Variants in PIP5K1B observed in about 807,000 individuals in gnomAD.
PIP5K1B encodes phosphatidylinositol 4-phosphate 5-kinase type-1 beta.
Under a neutral mutation model 67.0 loss-of-function variants are expected in PIP5K1B, and 42 were observed. The observed-to-expected ratio is 0.63, with a 90% CI of 0.49 to 0.81. The LOEUF (loss-of-function observed/expected upper bound fraction) is 0.81. Ranked by LOEUF, PIP5K1B falls within the 30% of genes least tolerant of loss-of-function variation. PIP5K1B has a pLI of 0.00. For missense variants in PIP5K1B, 459 were observed against 646.3 expected (o/e 0.71, Z 3.14); for synonymous variants, 214 against 231.4 (o/e 0.92, Z 0.68).
intron 2 of PIP5K1B, among the ~76,000 whole-genome samples, chr9:68,803,002 A>T (rs1832684575): frequency 6.6e-6 from 1 of 152,220 alleles, no homozygotes; most frequent in Non-Finnish European, 1.5e-5. Context: ...CTGTGTTAGA[A>T]ATGATGAGAT....
chr9:68,810,359 A>G (rs1833096202), intron 2 of PIP5K1B, among the ~76,000 whole-genome samples: 1 of 152,244 alleles, frequency 6.6e-6, no homozygotes, highest in South Asian at 2.1e-4. Flanking sequence ...ATAATCGAAG[A>G]GAAGTGGACA....
intron 4 of PIP5K1B, among the ~76,000 whole-genome samples, chr9:68,857,845 T>C: frequency 6.6e-6 from 1 of 152,118 alleles, no homozygotes; most frequent in Non-Finnish European, 1.5e-5. Context: ...CCAGCATATG[T>C]TGTAGAACCG....
intron 14 of PIP5K1B, among the ~76,000 whole-genome samples, chr9:68,965,220 A>ACTGT (rs1828958841): frequency 2.0e-5 from 3 of 152,082 alleles, no homozygotes; most frequent in Admixed American, 2.0e-4. Context: ...AATATATATG[A>ACTGT]CTAGTACAAT....
chr9:68,900,849 T>C (rs1360447045), intron 8 of PIP5K1B, among the ~76,000 whole-genome samples: 11 of 152,214 alleles, frequency 7.2e-5, no homozygotes, highest in Admixed American at 6.5e-4. Context: ...CTTTCTGATG[T>C]GCAAAGAAGG....
intron 2 of PIP5K1B, chr9:68,788,457 G>A (rs1334462783): frequency 6.9e-6 from 3 of 435,282 alleles, no homozygotes; most frequent in Non-Finnish European, 1.3e-5. Flanking sequence ...TCATATTAGA[G>A]GAAGATATCA....
intron 4 of PIP5K1B, among the ~76,000 whole-genome samples, chr9:68,846,928 T>G (rs1454671438): frequency 6.6e-6 from 1 of 152,206 alleles, no homozygotes. Flanking sequence ...ATTATAGTCC[T>G]CATTATGTCT....
At chr9:68,845,057 C>T (rs916677746) in intron 4 of PIP5K1B, among the ~76,000 whole-genome samples, 4 of 152,106 alleles carry the variant, frequency 2.6e-5, no homozygotes, top group South Asian at 2.1e-4. Context: ...ATCAGAAAGT[C>T]GTATATCGTG....
At chr9:68,753,681 C>T (rs779768360) in intron 2 of PIP5K1B, among the ~76,000 whole-genome samples, 12 of 151,854 alleles carry the variant, frequency 7.9e-5, no homozygotes, top group Non-Finnish European at 1.8e-4. Flanking sequence ...CCAGCCACCA[C>T]GCCTTGCTAA....
intron 3 of PIP5K1B, among the ~76,000 whole-genome samples, chr9:68,819,033 G>A (rs1017074060): frequency 4.6e-5 from 7 of 152,126 alleles, no homozygotes; most frequent in Non-Finnish European, 8.8e-5. Flanking sequence ...TGTCTTTCAG[G>A]TGAAATTCAT....
chr9:68,900,929 G>A (rs1825324165), intron 8 of PIP5K1B, among the ~76,000 whole-genome samples: 1 of 152,024 alleles, frequency 6.6e-6, no homozygotes, highest in African/African-American at 2.4e-5. Flanking sequence ...TGTTTGCATG[G>A]GTTACAAAAT....
intron 1 of PIP5K1B, among the ~76,000 whole-genome samples, chr9:68,712,122 G>A (rs1437891472): frequency 6.6e-6 from 1 of 152,312 alleles, no homozygotes; most frequent in East Asian, 1.9e-4. Context: ...GAATGGCTTA[G>A]TACACTCCCC....
intron 13 of PIP5K1B, among the ~76,000 whole-genome samples, chr9:68,937,744 T>G (rs1349054952): frequency 6.6e-6 from 1 of 152,216 alleles, no homozygotes; most frequent in Non-Finnish European, 1.5e-5. Flanking sequence ...GGGCATTTAG[T>G]GCTATAAATT....
At chr9:68,878,140 G>A (rs1383492451) in intron 6 of PIP5K1B, among the ~76,000 whole-genome samples, 1 of 151,882 alleles carries the variant, frequency 6.6e-6, no homozygotes, top group Non-Finnish European at 1.5e-5. Context: ...ACCCAATGGG[G>A]TTTTGATATT....
At chr9:68,894,306 T>C (rs764444880) in intron 7 of PIP5K1B, 33 bp from the exon 8 acceptor site, 28 of 1,358,238 alleles carry the variant, frequency 2.1e-5, no homozygotes, top group Admixed American at 5.7e-5. Context: ...AAATAGAAGA[T>C]TGTAAATATA....
At chr9:68,809,357 TAGA>T (rs35811270) in intron 2 of PIP5K1B, among the ~76,000 whole-genome samples, 46,799 of 151,848 alleles carry the variant, frequency 0.31, 7,285 homozygotes, top group East Asian at 0.38. Context: ...GTAAGGGCTC[TAGA>T]AGAAGAACTA....
At chr9:68,772,583 C>T (rs1830719661) in intron 2 of PIP5K1B, among the ~76,000 whole-genome samples, 1 of 152,180 alleles carries the variant, frequency 6.6e-6, no homozygotes, top group Non-Finnish European at 1.5e-5. Flanking sequence ...TTGATGGCCT[C>T]TCTGCCCCAG....
intron 1 of PIP5K1B, among the ~76,000 whole-genome samples, chr9:68,712,262 T>TAAG (rs1827430012): frequency 6.6e-6 from 1 of 152,194 alleles, no homozygotes; most frequent in Non-Finnish European, 1.5e-5. Context: ...GCCATGACTG[T>TAAG]AAGCTTCCTG....
intron 6 of PIP5K1B, among the ~76,000 whole-genome samples, chr9:68,878,499 G>C (rs915820296): frequency 6.6e-6 from 1 of 152,168 alleles, no homozygotes; most frequent in African/African-American, 2.4e-5. Context: ...TTACAAAGGA[G>C]CATAAGAATC....
chr9:68,767,095 G>A (rs1278940339), intron 2 of PIP5K1B, among the ~76,000 whole-genome samples: 1 of 152,198 alleles, frequency 6.6e-6, no homozygotes, highest in Non-Finnish European at 1.5e-5. Flanking sequence ...AATGCCCCAT[G>A]TAAACCTGAC....
Sources: allele counts gnomAD v4.1 joint callset (sites outside exome capture counted in the v4.1 genomes callset), GRCh38; gene constraint gnomAD v4.1.1; transcripts MANE v1.5; gene names NCBI Gene and HGNC (gene_info 2026-07-23, HGNC 2026-07-21).